Variants in DNM2 observed in about 807,000 individuals in gnomAD.
DNM2 encodes the protein dynamin-2.
A neutral mutation model predicts 99.0 loss-of-function variants in DNM2; 15 were observed. The ratio of observed to expected loss-of-function variants is 0.15; its 90% CI spans 0.10 to 0.23. The LOEUF is 0.23. Ranked by LOEUF, DNM2 falls within the 10% of genes least tolerant of loss-of-function variation. DNM2 has a pLI of 1.00. For missense variants in DNM2, 742 were observed against 1,189.4 expected (o/e 0.62, Z 5.53); for synonymous variants, 525 against 481.2 (o/e 1.09, Z -1.19).
At chr19:10,718,722 G>A (rs1278222886) in intron 1 of DNM2, 1 of 224,838 alleles carries the variant, frequency 4.4e-6, no homozygotes, top group East Asian at 9.8e-5. Flanking sequence ...CCGTGGGTCT[G>A]GGGTAGATCC....
chr19:10,804,105 C>T (rs773742789), intron 12 of DNM2, among the ~76,000 whole-genome samples: 1 of 152,112 alleles, frequency 6.6e-6, no homozygotes, highest in Non-Finnish European at 1.5e-5. Context: ...CAGGAGGGCC[C>T]TGCAGGTCCA....
chr19:10,745,430 A>G (rs976184935), intron 1 of DNM2, among the ~76,000 whole-genome samples: 8 of 152,160 alleles, frequency 5.3e-5, no homozygotes, highest in African/African-American at 1.7e-4. Flanking sequence ...TCTAGTTGGG[A>G]CTGTTAGATA....
At chr19:10,808,445 C>G in intron 13 of DNM2, 124 bp from the exon 14 acceptor site, 2 of 1,030,378 alleles carry the variant, frequency 1.9e-6, no homozygotes, top group Admixed American at 2.8e-5. Flanking sequence ...TTCCCCTGCT[C>G]TTCTCTTCTC....
intron 2 of DNM2, among the ~76,000 whole-genome samples, chr19:10,766,130 CCTCCCTCT>C: frequency 6.6e-6 from 1 of 152,176 alleles, no homozygotes; most frequent in Non-Finnish European, 1.5e-5. Context: ...CGAAAACTCT[CCTCCCTCT>C]CTCCCTCTCC....
chr19:10,787,218 C>T (rs1165593092), intron 7 of DNM2, among the ~76,000 whole-genome samples: 1 of 151,830 alleles, frequency 6.6e-6, no homozygotes, highest in African/African-American at 2.4e-5. Context: ...CCTGTAATCC[C>T]CGTACTTTTG....
At chr19:10,738,830 G>A (rs76372455) in intron 1 of DNM2, among the ~76,000 whole-genome samples, 14,534 of 146,626 alleles carry the variant, frequency 0.099, 1,070 homozygotes, top group East Asian at 0.38. Context: ...AGATCGCACC[G>A]TTGCACTCCA....
intron 18 of DNM2, among the ~76,000 whole-genome samples, chr19:10,827,833 T>C (rs570231224): frequency 1.1e-4 from 16 of 151,306 alleles, no homozygotes; most frequent in Non-Finnish European, 2.4e-4. Context: ...CATGCCACTG[T>C]ACTCCAGCCT....
At position 10,750,692 on chromosome 19, in the gene DNM2, C is replaced by T. The variant is rs534500934; in HGVS notation, c.162-9046C>T. Among the ~76,000 whole-genome samples the T allele has an allele frequency of 9.2e-4, 139 of 151,864 alleles. 1 individual carries two copies. In the Middle Eastern group the frequency reaches 0.01, roughly 11 times the overall value. On this transcript the variant is annotated intron_variant, in intron 1 of 20. Transcript: ENST00000389253. ...ATGCCTGTAATCCCAGCACTTTGGG[C>T]TGCTGAGGCAGGTGGATCACCTGAG...
chr19:10,721,155 G>C (rs1478974404), intron 1 of DNM2, among the ~76,000 whole-genome samples: 2 of 151,554 alleles, frequency 1.3e-5, no homozygotes, highest in East Asian at 3.9e-4. Context: ...TGCAGGAGTT[G>C]CTCATTATAT....
At position 10,775,175 on chromosome 19, in the gene DNM2, G is replaced by C. The variant is rs1364976600; in HGVS notation, c.386-528G>C. On this transcript the variant is annotated intron_variant, in intron 3 of 20. Coordinates refer to ENST00000389253, the MANE Select transcript of DNM2 (RefSeq NM_001005361.3). This position sits in a 1 kb window ranked among gnomAD's most constrained non-coding sequence, Gnocchi z 4.3. ...CAGCTCACTGCAACCTCCACCTTCT[G>C]GGTTCAAGTGTTTCTCATGCCTCAG... Among the ~76,000 whole-genome samples the C allele has an allele frequency of 1.3e-5, 2 of 152,130 alleles. No individual in the cohort carries two copies. The highest frequency in any genetic ancestry group is 4.8e-5 in the African/African-American group (2 of 41,418).
intron 1 of DNM2, among the ~76,000 whole-genome samples, chr19:10,752,077 A>G (rs1014919571): frequency 6.6e-6 from 1 of 152,210 alleles, no homozygotes; most frequent in African/African-American, 2.4e-5. Context: ...GTGGGCACGT[A>G]AAAGAGAGAG....
At chr19:10,778,415 G>C (rs1374352651) in intron 5 of DNM2, among the ~76,000 whole-genome samples, 2 of 152,100 alleles carry the variant, frequency 1.3e-5, no homozygotes, top group Non-Finnish European at 2.9e-5. Flanking sequence ...GCTTTGGGAG[G>C]CTGAGGCAGG....
rs2071833742 is a variant in DNM2 at position 10,793,732 on chromosome 19, G to A, written c.1005G>A (p.Gln335=). Reference sequence around the variant, plus strand: ...CTTTTCCTCATAGGATGGTCCAGCAGTTTGGGGTGGATTTTGAGAAGAGGA... The same window carrying A: ...CTTTTCCTCATAGGATGGTCCAGCAATTTGGGGTGGATTTTGAGAAGAGGA... The part of the protein sequence containing the change: ...KTKALLQMVQ[Q]FGVDFEKRIE... Residue 335 remains glutamine, a synonymous_variant, in exon 8 of 21, where the codon CAG becomes CAA. Coordinates refer to ENST00000389253, the MANE Select transcript of DNM2 (RefSeq NM_001005361.3). 6.2e-7 allele frequency: 1 copy of A among 1,614,180 alleles called. No individual in the cohort carries two copies. Among genetic ancestry groups the A allele is most frequent in the African/African-American group, 1.3e-5 (1 of 75,038 alleles).
At chr19:10,822,343 C>T (rs903378573) in intron 16 of DNM2, among the ~76,000 whole-genome samples, 2 of 151,778 alleles carry the variant, frequency 1.3e-5, no homozygotes, top group African/African-American at 4.8e-5. Context: ...GCGCACACCA[C>T]CATGCCCAGC....
chr19:10,748,593 G>A (rs1019741692), intron 1 of DNM2, among the ~76,000 whole-genome samples: 1 of 152,174 alleles, frequency 6.6e-6, no homozygotes, highest in Non-Finnish European at 1.5e-5. Context: ...CCCCACTTCT[G>A]CTCCAACAGA....
At chr19:10,784,018 A>G (rs2071470775) in intron 6 of DNM2, among the ~76,000 whole-genome samples, 1 of 152,122 alleles carries the variant, frequency 6.6e-6, no homozygotes, top group African/African-American at 2.4e-5. Context: ...TCTTCTTGTA[A>G]GTAATTGATT....
At chr19:10,827,152 G>A (rs2073167826) in intron 18 of DNM2, among the ~76,000 whole-genome samples, 1 of 152,138 alleles carries the variant, frequency 6.6e-6, no homozygotes, top group Non-Finnish European at 1.5e-5. Context: ...TCTCAGTAGT[G>A]ATCAGTGTTC....
intron 1 of DNM2, among the ~76,000 whole-genome samples, chr19:10,723,132 AT>A (rs1203412676): frequency 0.061 from 7,002 of 113,904 alleles, 423 homozygotes; most frequent in East Asian, 0.31. Flanking sequence ...CACCTGGCTA[AT>A]TTTTTTTTTT....
At chr19:10,758,865 T>TA (rs1392451514) in intron 1 of DNM2, among the ~76,000 whole-genome samples, 1 of 152,144 alleles carries the variant, frequency 6.6e-6, no homozygotes, top group Non-Finnish European at 1.5e-5. Context: ...GTACTTTTCT[T>TA]AAACAGCTCT....
Sources: gnomAD v4.1 joint callset for allele counts (sites outside exome capture counted in the v4.1 genomes callset) on GRCh38, gnomAD v4.1.1 for gene constraint, Gnocchi (gnomAD v3.1) non-coding constraint, MANE v1.5 for transcripts, NCBI Gene and HGNC (gene_info 2026-07-23, HGNC 2026-07-21) for gene names.